Variants in LDB2 observed in about 807,000 individuals in gnomAD.
LDB2 encodes the protein LIM domain binding 2, also known as LIM domain-binding protein 2.
In LDB2, 12 loss-of-function variants were observed where a neutral mutation model predicts 44.3. That is an observed-to-expected ratio of 0.27 (90% confidence interval 0.17 to 0.44). LDB2 has a LOEUF of 0.44. Ranked by LOEUF, LDB2 falls within the 20% of genes least tolerant of loss-of-function variation. The pLI, the probability that LDB2 is intolerant of heterozygous loss-of-function variation, is 1.00. For synonymous variants in LDB2, 164 were observed against 174.8 expected (o/e 0.94, Z 0.49); for missense variants, 344 against 473.5 (o/e 0.73, Z 2.54).
intron 2 of LDB2, among the ~76,000 whole-genome samples, chr4:16,740,467 C>A (rs1482969743): frequency 6.6e-6 from 1 of 152,214 alleles, no homozygotes; most frequent in Non-Finnish European, 1.5e-5. Context: ...TCCCACCAGG[C>A]CTCCAATCGT....
chr4:16,758,570 G>A (rs529204259), intron 2 of LDB2, among the ~76,000 whole-genome samples: 6 of 152,290 alleles, frequency 3.9e-5, no homozygotes, highest in African/African-American at 1.2e-4. Context: ...TACCCAAGGT[G>A]CCACACGCTG....
intron 1 of LDB2, among the ~76,000 whole-genome samples, chr4:16,835,875 A>T (rs1381211820): frequency 6.6e-6 from 1 of 152,210 alleles, no homozygotes; most frequent in Non-Finnish European, 1.5e-5. Flanking sequence ...CTGCTCTACC[A>T]GATAGAGCTC....
intron 1 of LDB2, among the ~76,000 whole-genome samples, chr4:16,776,802 A>G (rs1579564981): frequency 2.6e-5 from 4 of 152,328 alleles, no homozygotes; most frequent in East Asian, 3.9e-4. Context: ...GAGAAGTAAA[A>G]TTTACATGGG....
intron 2 of LDB2, among the ~76,000 whole-genome samples, chr4:16,650,563 T>C (rs893704292): frequency 2.6e-5 from 4 of 152,244 alleles, no homozygotes; most frequent in African/African-American, 9.6e-5. Context: ...AACAACTGTG[T>C]TCTGGAACTC....
intron 2 of LDB2, among the ~76,000 whole-genome samples, chr4:16,727,102 G>C (rs1759665162): frequency 6.6e-6 from 1 of 152,198 alleles, no homozygotes; most frequent in Non-Finnish European, 1.5e-5. Context: ...ATGGGTGAGA[G>C]AGATCAGTTT....
rs184274656 is a variant in LDB2 at position 16,523,122 on chromosome 4, C to T, written c.616-11018G>A. Among the ~76,000 whole-genome samples the T allele has an allele frequency of 1.3e-3, 195 of 152,174 alleles. 2 individuals are homozygous for T. The highest frequency in any genetic ancestry group is 4.2e-3 in the Admixed American group (64 of 15,288). ...AGTACCAATGGGGTATGTATATGTACGTATGCATGTATGTACATATTTATT... is the reference window on the plus strand; with the variant it reads ...AGTACCAATGGGGTATGTATATGTATGTATGCATGTATGTACATATTTATT... On this transcript the variant is annotated intron_variant, in intron 5 of 7. Coordinates refer to ENST00000304523, the MANE Select transcript of LDB2 (RefSeq NM_001290.5).
chr4:16,521,423 C>A (rs536863953), intron 5 of LDB2, among the ~76,000 whole-genome samples: 26 of 152,056 alleles, frequency 1.7e-4, no homozygotes, highest in Non-Finnish European at 2.5e-4. Context: ...TATAAGGACA[C>A]CAGTAATTAG....
chr4:16,714,716 G>A (rs1560972795), intron 2 of LDB2, among the ~76,000 whole-genome samples: 1 of 152,168 alleles, frequency 6.6e-6, no homozygotes, highest in Non-Finnish European at 1.5e-5. Context: ...TGGAAGTTCT[G>A]AGAGAGCATC....
chr4:16,563,589 C>T (rs981663940), intron 5 of LDB2, among the ~76,000 whole-genome samples: 1 of 150,784 alleles, frequency 6.6e-6, no homozygotes, highest in Non-Finnish European at 1.5e-5. Flanking sequence ...GCTGGGACTA[C>T]AGGTGCCCAC....
chr4:16,833,937 T>C (rs1327426171), intron 1 of LDB2, among the ~76,000 whole-genome samples: 1 of 152,228 alleles, frequency 6.6e-6, no homozygotes, highest in Admixed American at 6.5e-5. Flanking sequence ...CTTGCTCTCT[T>C]AACAGCCTGT....
chr4:16,815,253 T>C (rs1442312406), intron 1 of LDB2, among the ~76,000 whole-genome samples: 1 of 152,234 alleles, frequency 6.6e-6, no homozygotes, highest in Non-Finnish European at 1.5e-5. Flanking sequence ...GATCACAATT[T>C]TAACCAGGCC....
intron 5 of LDB2, among the ~76,000 whole-genome samples, chr4:16,559,505 A>T (rs1741190469): frequency 6.6e-6 from 1 of 152,234 alleles, no homozygotes; most frequent in Admixed American, 6.5e-5. Context: ...CAATTCAACA[A>T]GAAGAGCTAA....
intron 5 of LDB2, among the ~76,000 whole-genome samples, chr4:16,514,518 A>C (rs917457349): frequency 2.6e-5 from 4 of 152,128 alleles, no homozygotes; most frequent in African/African-American, 9.7e-5. Flanking sequence ...CTTCCTTCTT[A>C]AGTCTAAGCA....
intron 1 of LDB2, among the ~76,000 whole-genome samples, chr4:16,767,541 A>G (rs908547511): frequency 6.6e-6 from 1 of 152,072 alleles, no homozygotes; most frequent in Non-Finnish European, 1.5e-5. Flanking sequence ...GCTACTTCCA[A>G]TTCTTGCTGT....
chr4:16,875,231 G>A (rs1718005439), intron 1 of LDB2, among the ~76,000 whole-genome samples: 1 of 152,130 alleles, frequency 6.6e-6, no homozygotes, highest in Admixed American at 6.6e-5. Context: ...AAGGAAAGGG[G>A]TTATCATCAG....
intron 5 of LDB2, among the ~76,000 whole-genome samples, chr4:16,545,931 A>T (rs1031606009): frequency 3.9e-5 from 6 of 152,250 alleles, no homozygotes; most frequent in South Asian, 2.1e-4. Flanking sequence ...CACCCGCCGT[A>T]TGCAATTCGA....
chr4:16,569,772 T>G (rs1021811320), intron 5 of LDB2, among the ~76,000 whole-genome samples: 2 of 152,198 alleles, frequency 1.3e-5, no homozygotes, highest in African/African-American at 4.8e-5. Flanking sequence ...ATATTTCTAT[T>G]CTGTATTCTT....
chr4:16,754,614 A>G (rs1766135965), intron 2 of LDB2, among the ~76,000 whole-genome samples: 3 of 150,934 alleles, frequency 2.0e-5, no homozygotes, highest in Admixed American at 2.0e-4. Flanking sequence ...TGCAACCTCC[A>G]TCCGCCTCCT....
intron 1 of LDB2, among the ~76,000 whole-genome samples, chr4:16,787,247 A>G (rs911901574): frequency 2.6e-5 from 4 of 152,178 alleles, no homozygotes; most frequent in Non-Finnish European, 5.9e-5. Flanking sequence ...ATAGAGAACC[A>G]TCAAGATGCA....
Sources: gnomAD v4.1 joint callset for allele counts (sites outside exome capture counted in the v4.1 genomes callset) on GRCh38, gnomAD v4.1.1 for gene constraint, MANE v1.5 for transcripts, NCBI Gene and HGNC (gene_info 2026-07-23, HGNC 2026-07-21) for gene names.